Variants in CSMD1 observed in about 807,000 individuals in gnomAD.
CSMD1 encodes the protein CUB and sushi domain-containing protein 1.
Under a neutral mutation model 417.5 loss-of-function variants are expected in CSMD1, and 213 were observed. That is an observed-to-expected ratio of 0.51 (90% confidence interval 0.46 to 0.57). CSMD1 has a LOEUF of 0.57. Ranked by LOEUF, CSMD1 falls within the 20% of genes least tolerant of loss-of-function variation. The pLI is 0.00. For synonymous variants in CSMD1, 2,862 were observed against 1,736.8 expected, an observed-to-expected ratio of 1.65 and a Z score of -16.11; for missense variants, 6,923 against 4,529.7, an observed-to-expected ratio of 1.53 and a Z score of -15.17.
chr8:4,799,795 A>C (rs1254499236), intron 1 of CSMD1, among the ~76,000 whole-genome samples: 1 of 152,104 alleles, frequency 6.6e-6, no homozygotes, highest in African/African-American at 2.4e-5. Context: ...TTTAAAAAAA[A>C]AAGTGACAAT....
At chr8:3,578,401 A>G (rs1800242032) in intron 9 of CSMD1, among the ~76,000 whole-genome samples, 1 of 151,392 alleles carries the variant, frequency 6.6e-6, no homozygotes, top group Non-Finnish European at 1.5e-5. Context: ...GGAAGGGCAC[A>G]GCAGCCTGCG....
intron 5 of CSMD1, among the ~76,000 whole-genome samples, chr8:3,958,316 CTCTCTT>C (rs113269807): frequency 0.3 from 39,188 of 128,852 alleles, 5,444 homozygotes; most frequent in South Asian, 0.44. Flanking sequence ...TTTTTAAACT[CTCTCTT>C]TTTTTTTTTT....
intron 7 of CSMD1, among the ~76,000 whole-genome samples, chr8:3,625,001 T>C (rs1213459210): frequency 6.6e-6 from 1 of 152,188 alleles, no homozygotes; most frequent in East Asian, 1.9e-4. Flanking sequence ...GGTAATCATT[T>C]CTTTCTTGCA....
chr8:4,192,631 A>C (rs1013024839), intron 3 of CSMD1, among the ~76,000 whole-genome samples: 1 of 152,228 alleles, frequency 6.6e-6, no homozygotes, highest in South Asian at 2.1e-4. Context: ...AGCAGAGGGC[A>C]TATTTGCTCA....
intron 10 of CSMD1, among the ~76,000 whole-genome samples, chr8:3,532,097 C>A (rs1563127997): frequency 6.6e-6 from 1 of 152,204 alleles, no homozygotes; most frequent in Non-Finnish European, 1.5e-5. Context: ...CTACATTCCA[C>A]TTTGAGATGG....
chr8:3,396,378 A>T lies in CSMD1; in HGVS notation c.2409T>A (p.Phe803Leu). 2 of 1,572,660 alleles carry T rather than the reference A, an allele frequency of 1.3e-6. No individual in the cohort carries two copies. The highest frequency in any genetic ancestry group is 2.3e-5 in the East Asian group (1 of 44,134). Reference protein sequence around the residue: ...GHSIKITFDRFQTEVNYDTLE... With the variant: ...GHSIKITFDRLQTEVNYDTLE... ...AGGTGTCATAATTGACCTCTGTCTG[A>T]AATCTGCAAATATATACATCCCATC... Residue 803 changes from phenylalanine (F) to leucine (L), a missense_variant, in exon 17 of 70, where the codon TTT becomes TTA. Physicochemically the swap from Phe to Leu is conservative, Grantham distance 22. Transcript: ENST00000635120.
chr8:4,083,918 G>C (rs915553933), intron 3 of CSMD1, among the ~76,000 whole-genome samples: 1 of 152,106 alleles, frequency 6.6e-6, no homozygotes, highest in Admixed American at 6.5e-5. Flanking sequence ...TACAAAATGA[G>C]AGAAAACTTT....
chr8:3,556,415 T>TATATACACACACACATACATA (rs1799148435), intron 10 of CSMD1, among the ~76,000 whole-genome samples: 1 of 57,102 alleles, frequency 1.8e-5, no homozygotes, highest in African/African-American at 6.2e-5. Context: ...ATATATATAT[T>TATATACACACACACATACATA]CACACACACA....
At chr8:4,645,846 C>T (rs751422065) in intron 1 of CSMD1, among the ~76,000 whole-genome samples, 10 of 152,106 alleles carry the variant, frequency 6.6e-5, no homozygotes, top group Non-Finnish European at 1.5e-4. Flanking sequence ...GGCTTCATGG[C>T]ACCCCACGCC....
At chr8:4,385,539 AT>A (rs555504556) in intron 3 of CSMD1, among the ~76,000 whole-genome samples, 1 of 152,108 alleles carries the variant, frequency 6.6e-6, no homozygotes, top group Non-Finnish European at 1.5e-5. Flanking sequence ...ATCTCCTTTC[AT>A]TTTTTTGGAC....
At chr8:4,130,344 C>A (rs1483110948) in intron 3 of CSMD1, among the ~76,000 whole-genome samples, 1 of 152,068 alleles carries the variant, frequency 6.6e-6, no homozygotes. Flanking sequence ...TCCAAAGACC[C>A]CCAGTAATGG....
chr8:4,493,992 T>C (rs865817646), intron 2 of CSMD1, among the ~76,000 whole-genome samples: 10 of 152,188 alleles, frequency 6.6e-5, no homozygotes, highest in African/African-American at 2.2e-4. Context: ...GCCTTAAGCA[T>C]GTACACATAG....
At chr8:4,015,747 G>T (rs1304465484) in intron 4 of CSMD1, among the ~76,000 whole-genome samples, 1 of 147,356 alleles carries the variant, frequency 6.8e-6, no homozygotes, top group Non-Finnish European at 1.5e-5. Context: ...AATGTGTTTT[G>T]ACATGTTTAG....
At chr8:3,792,550 T>C (rs1355105549) in intron 5 of CSMD1, among the ~76,000 whole-genome samples, 4 of 152,194 alleles carry the variant, frequency 2.6e-5, no homozygotes, top group African/African-American at 7.2e-5. Flanking sequence ...TTCAGACTAG[T>C]AACTTTGGAA....
rs139842756 is a variant in CSMD1, at chr8:3,467,794, C to G, written c.1561+918G>C. Among the ~76,000 whole-genome samples, 4 of 152,270 alleles carry G rather than the reference C, an allele frequency of 2.6e-5. No individual in the cohort carries two copies. In the South Asian group the frequency reaches 6.2e-4, roughly 24 times the overall value. ...CTTGTTGATTTAGGATTGGTGGATG[C>G]TTTTTTATTATCTCCTTCATTGATT... On this transcript the variant is annotated intron_variant, in intron 12 of 69. Coordinates refer to ENST00000635120, the MANE Select transcript of CSMD1 (RefSeq NM_033225.6).
At chr8:4,137,869 T>G (rs1339904504) in intron 3 of CSMD1, among the ~76,000 whole-genome samples, 1 of 151,896 alleles carries the variant, frequency 6.6e-6, no homozygotes, top group Admixed American at 6.6e-5. Flanking sequence ...TTACATTATT[T>G]TTTTTAATTA....
At chr8:3,406,345 T>A (rs1812341589) in intron 14 of CSMD1, 124 bp from the exon 15 acceptor site, 3 of 703,724 alleles carry the variant, frequency 4.3e-6, no homozygotes, top group Non-Finnish European at 6.4e-6. Context: ...TATATAAATT[T>A]CAGTTGTATC....
intron 25 of CSMD1, among the ~76,000 whole-genome samples, chr8:3,299,657 G>C (rs900071732): frequency 2.6e-5 from 4 of 152,100 alleles, no homozygotes; most frequent in African/African-American, 4.8e-5. Context: ...AAGCAGGAAA[G>C]GAATCCAGGG....
At chr8:4,391,860 C>T (rs940878903) in intron 3 of CSMD1, among the ~76,000 whole-genome samples, 4 of 152,210 alleles carry the variant, frequency 2.6e-5, no homozygotes, top group Non-Finnish European at 5.9e-5. Flanking sequence ...CCTCTGTTCT[C>T]ATCTGGGTAT....
Sources: gnomAD v4.1 joint callset for allele counts (sites outside exome capture counted in the v4.1 genomes callset) on GRCh38, gnomAD v4.1.1 for gene constraint, MANE v1.5 for transcripts, NCBI Gene and HGNC (gene_info 2026-07-23, HGNC 2026-07-21) for gene names.